Variants in FSTL5 observed in about 807,000 individuals in gnomAD.
FSTL5 encodes the protein follistatin-related protein 5.
In FSTL5, 62 loss-of-function variants were observed where a neutral mutation model predicts 89.1. The observed-to-expected ratio is 0.70, with a 90% CI of 0.57 to 0.86. The LOEUF is 0.86. Ranked by LOEUF, FSTL5 falls within the 40% of genes least tolerant of loss-of-function variation. The pLI, the probability that FSTL5 is intolerant of heterozygous loss-of-function variation, is 0.00. For missense variants in FSTL5, 1,057 were observed against 1,001.6 expected (o/e 1.06, Z -0.75); for synonymous variants, 383 against 346.2 (o/e 1.11, Z -1.18).
intron 3 of FSTL5, among the ~76,000 whole-genome samples, chr4:161,989,345 T>C (rs1398228998): frequency 2.0e-5 from 3 of 152,182 alleles, no homozygotes; most frequent in African/African-American, 7.2e-5. Flanking sequence ...CAATATGCTT[T>C]GGAAACATAA....
chr4:161,807,630 A>T (rs189211550), intron 4 of FSTL5, among the ~76,000 whole-genome samples: 192 of 152,320 alleles, frequency 1.3e-3, no homozygotes, highest in African/African-American at 4.2e-3. Context: ...GCCATAGACA[A>T]TACATAAATG....
At chr4:161,754,547 A>C (rs1000895040) in intron 6 of FSTL5, among the ~76,000 whole-genome samples, 1 of 152,310 alleles carries the variant, frequency 6.6e-6, no homozygotes, top group East Asian at 1.9e-4. Flanking sequence ...AAAGTAATTT[A>C]TTATTTAACT....
intron 15 of FSTL5, among the ~76,000 whole-genome samples, chr4:161,422,638 C>T (rs957623674): frequency 6.6e-6 from 1 of 152,126 alleles, no homozygotes; most frequent in African/African-American, 2.4e-5. Flanking sequence ...CTAACCCTTG[C>T]TTTCTTCTAG....
chr4:161,995,691 A>T (rs954491919), intron 3 of FSTL5, among the ~76,000 whole-genome samples: 1 of 152,122 alleles, frequency 6.6e-6, no homozygotes, highest in Non-Finnish European at 1.5e-5. Flanking sequence ...TAATTAATAA[A>T]TAATTAATTT....
At chr4:162,006,855 A>G (rs937920211) in intron 3 of FSTL5, among the ~76,000 whole-genome samples, 8 of 151,988 alleles carry the variant, frequency 5.3e-5, no homozygotes, top group Non-Finnish European at 1.0e-4. Flanking sequence ...TGCAAAAACA[A>G]TGAAATAGTC....
intron 3 of FSTL5, among the ~76,000 whole-genome samples, chr4:161,961,483 A>G (rs898468944): frequency 6.6e-6 from 1 of 151,510 alleles, no homozygotes; most frequent in Non-Finnish European, 1.5e-5. Flanking sequence ...AGAAGTAATT[A>G]GTAATCAAAT....
At chr4:161,662,637 C>A (rs953184764) in intron 6 of FSTL5, among the ~76,000 whole-genome samples, 7 of 152,198 alleles carry the variant, frequency 4.6e-5, no homozygotes, top group African/African-American at 1.7e-4. Flanking sequence ...AACCAGGGTT[C>A]TTTTGAATCC....
chr4:161,448,646 G>A (rs1024595933), intron 15 of FSTL5, among the ~76,000 whole-genome samples: 1 of 152,132 alleles, frequency 6.6e-6, no homozygotes, highest in African/African-American at 2.4e-5. Context: ...TGCCGGAGCG[G>A]TGTCCGCTAC....
At chr4:162,155,089 C>T (rs1239918526) in intron 1 of FSTL5, among the ~76,000 whole-genome samples, 1 of 152,174 alleles carries the variant, frequency 6.6e-6, no homozygotes, top group Non-Finnish European at 1.5e-5. Flanking sequence ...TGTGTGTAGG[C>T]AGGACCTATA....
At chr4:161,899,815 T>C (rs1030769327) in intron 4 of FSTL5, among the ~76,000 whole-genome samples, 1 of 152,126 alleles carries the variant, frequency 6.6e-6, no homozygotes, top group Non-Finnish European at 1.5e-5. Flanking sequence ...ACCTAACAGA[T>C]TGTATTTAGT....
At chr4:161,961,962 G>A (rs2110982494) in intron 3 of FSTL5, among the ~76,000 whole-genome samples, 1 of 151,562 alleles carries the variant, frequency 6.6e-6, no homozygotes, top group East Asian at 1.9e-4. Context: ...AAGCAGATTA[G>A]TTATCTATCA....
intron 4 of FSTL5, among the ~76,000 whole-genome samples, chr4:161,886,653 A>G (rs1020406256): frequency 2.6e-5 from 4 of 152,234 alleles, no homozygotes; most frequent in African/African-American, 4.8e-5. Context: ...TTTCATTTCC[A>G]TATCATCATT....
At chr4:161,767,754 A>C (rs1741065324) in intron 5 of FSTL5, among the ~76,000 whole-genome samples, 1 of 152,164 alleles carries the variant, frequency 6.6e-6, no homozygotes, top group African/African-American at 2.4e-5. Context: ...TCAGAGTTCC[A>C]CATACTCATT....
rs192331030 is a variant in FSTL5 at position 161,464,862 on chromosome 4, T to C, written c.1609-5543A>G. Among the ~76,000 whole-genome samples, 552 of 152,238 alleles carry C rather than the reference T, an allele frequency of 3.6e-3. 3 individuals are homozygous for C. The highest frequency in any genetic ancestry group is 0.012 in the African/African-American group (500 of 41,558). ...TTATTATTTTATTTAACAAAAATAA[T>C]TGTACTCCTGCACCAGGCTTATACA... On this transcript the variant is annotated intron_variant, in intron 13 of 15. Coordinates refer to ENST00000306100, the MANE Select transcript of FSTL5 (RefSeq NM_020116.5).
At chr4:161,661,052 G>C (rs2126687015) in intron 6 of FSTL5, among the ~76,000 whole-genome samples, 1 of 152,206 alleles carries the variant, frequency 6.6e-6, no homozygotes, top group African/African-American at 2.4e-5. Flanking sequence ...AACCATCGTG[G>C]AAGACGGTAT....
chr4:161,389,556 T>C (rs1290989516), intron 15 of FSTL5, among the ~76,000 whole-genome samples: 5 of 152,170 alleles, frequency 3.3e-5, no homozygotes, highest in African/African-American at 1.2e-4. Context: ...AAGAGACTTG[T>C]TTTGGATGAA....
At chr4:161,896,063 C>A (rs1733148100) in intron 4 of FSTL5, among the ~76,000 whole-genome samples, 1 of 152,076 alleles carries the variant, frequency 6.6e-6, no homozygotes, top group African/African-American at 2.4e-5. Context: ...CAGTATATGT[C>A]TAGGTAGTTA....
intron 7 of FSTL5, among the ~76,000 whole-genome samples, chr4:161,606,735 A>G (rs1734459396): frequency 6.6e-6 from 1 of 152,142 alleles, no homozygotes; most frequent in Non-Finnish European, 1.5e-5. Context: ...AAAACCTAAG[A>G]TTCTAATATA....
At chr4:162,067,351 C>A (rs1738954213) in intron 2 of FSTL5, among the ~76,000 whole-genome samples, 2 of 152,056 alleles carry the variant, frequency 1.3e-5, no homozygotes, top group Admixed American at 6.6e-5. Context: ...CCACATTTGG[C>A]CTATTCTTTG....
Sources: gnomAD v4.1 joint callset for allele counts (sites outside exome capture counted in the v4.1 genomes callset) on GRCh38, gnomAD v4.1.1 for gene constraint, MANE v1.5 for transcripts, NCBI Gene and HGNC (gene_info 2026-07-23, HGNC 2026-07-21) for gene names.